Variants in E2F8 observed in about 807,000 individuals in gnomAD.
E2F8 encodes the protein E2F transcription factor 8, also known as transcription factor E2F8.
Under a neutral mutation model 80.8 loss-of-function variants are expected in E2F8, and 35 were observed. The observed-to-expected ratio is 0.43, with a 90% CI of 0.33 to 0.57. E2F8 has a LOEUF of 0.57. E2F8 is among the 20% of genes least tolerant of loss of function. E2F8 has a pLI of 0.04. For synonymous variants in E2F8, 386 were observed against 395.0 expected (o/e 0.98, Z 0.27); for missense variants, 975 against 1,056.2 (o/e 0.92, Z 1.07).
At chr11:19,227,488 A>G (rs1434870151) in intron 10 of E2F8, among the ~76,000 whole-genome samples, 1 of 152,214 alleles carries the variant, frequency 6.6e-6, no homozygotes, top group Non-Finnish European at 1.5e-5. Flanking sequence ...AACAAACTAT[A>G]TTCATTATAG....
intron 10 of E2F8, among the ~76,000 whole-genome samples, chr11:19,227,720 G>A (rs1462173662): frequency 6.6e-6 from 1 of 152,088 alleles, no homozygotes; most frequent in Non-Finnish European, 1.5e-5. Context: ...TAAATTCTCA[G>A]TAAAAATTTG....
intron 3 of E2F8, 70 bp from the exon 4 acceptor site, chr11:19,237,540 G>C: frequency 6.7e-7 from 1 of 1,491,822 alleles, no homozygotes. Flanking sequence ...GGGCATCTGT[G>C]CTCGATGACT....
chr11:19,224,588 A>G lies in E2F8; in HGVS notation c.*70T>C, dbSNP rs532180931. ...AGTATTTTCAGAGAATGTGTTCTCC[A>G]AATCAGTCTGTGTACATTTTCTCTA... On this transcript the variant is annotated 3_prime_UTR_variant, in exon 13 of 13. Coordinates refer to ENST00000250024, the MANE Select transcript of E2F8 (RefSeq NM_024680.4). 7.9e-6 allele frequency: 12 copies of G among 1,516,566 alleles called. No homozygotes were observed. In the South Asian group the frequency reaches 1.5e-4, roughly 19 times the overall value. 93.9% of individuals were successfully genotyped at this position (1,516,566 alleles called of 1,614,324 possible). A position where few individuals can be genotyped will look rare whatever the true frequency, so the allele number is the denominator to read the frequency against.
rs548341628 is a variant in E2F8, at chr11:19,232,960, T to C, written c.929-589A>G. 3.3e-5 allele frequency among the ~76,000 whole-genome samples: 5 copies of C among 152,288 alleles called. No homozygotes were observed. The East Asian group carries it at 9.7e-4, about 29-fold the overall frequency. On this transcript the variant is annotated intron_variant, in intron 6 of 12. Coordinates refer to ENST00000250024, the MANE Select transcript of E2F8 (RefSeq NM_024680.4). ...CTGTTTTTTACTGCCATCTTGATAG[T>C]ACAAATTACAAATCGAGTCTCCTTC...
chr11:19,234,437 A>C lies in E2F8; in HGVS notation c.851T>G (p.Ile284Arg), dbSNP rs529296056. ...CTTGGCAGCAACTTCTAGGCTTACT[A>C]TCTGAGGCGTTGACACCAAAAACAG... is the stretch of plus-strand genomic sequence containing the variant. ...VMLFLVSTPQIVSLEVAAKIL... is the reference protein window; with the variant it reads ...VMLFLVSTPQRVSLEVAAKIL... Residue 284 changes from isoleucine (I) to arginine (R), a missense_variant, in exon 6 of 13, where the codon ATA becomes AGA. By Grantham distance (97) the Ile-to-Arg change is moderately conservative. Transcript: ENST00000250024. 1.9e-6 allele frequency: 3 copies of C among 1,614,220 alleles called. No individual in the cohort carries two copies. Among genetic ancestry groups the C allele is most frequent in the African/African-American group, 1.3e-5 (1 of 75,070 alleles).
chr11:19,232,886 G>C (rs1851417822), intron 6 of E2F8, among the ~76,000 whole-genome samples: 1 of 152,148 alleles, frequency 6.6e-6, no homozygotes. Context: ...ACATAGATCT[G>C]TGAACTTGAC....
At chr11:19,230,066 T>C (rs1157401073) in intron 9 of E2F8, 78 bp from the exon 10 acceptor site, 2 of 1,574,968 alleles carry the variant, frequency 1.3e-6, no homozygotes, top group East Asian at 4.5e-5. Flanking sequence ...AGCCTCATAT[T>C]GAAGCCACGC....
chr11:19,235,445 G>C (rs1233002704), intron 4 of E2F8, among the ~76,000 whole-genome samples: 4 of 152,182 alleles, frequency 2.6e-5, no homozygotes, highest in Non-Finnish European at 5.9e-5. Context: ...TCAGGAGATG[G>C]AGACCATCCT....
At chr11:19,233,125 C>T (rs1345504743) in intron 6 of E2F8, among the ~76,000 whole-genome samples, 8 of 152,180 alleles carry the variant, frequency 5.3e-5, no homozygotes. Flanking sequence ...AGGCAAGTAA[C>T]CCCTCAGTAG....
intron 4 of E2F8, 145 bp from the exon 5 acceptor site, chr11:19,235,203 T>G (rs1851482559): frequency 1.3e-6 from 1 of 760,948 alleles, no homozygotes; most frequent in Non-Finnish European, 2.1e-6. Context: ...ACAAATACTG[T>G]GAAGGTGAGA....
At chr11:19,227,001 A>G (rs1851252870) in intron 10 of E2F8, among the ~76,000 whole-genome samples, 1 of 152,224 alleles carries the variant, frequency 6.6e-6, no homozygotes, top group African/African-American at 2.4e-5. Context: ...AGATCACTGT[A>G]CTTTCCCAAA....
In E2F8 at chr11:19,235,018, T is replaced by G. The variant is rs762267794; in HGVS notation, c.492A>C (p.Leu164=). The change falls in exon 5 of 13, where the codon CTA becomes CTC. Residue 164 remains leucine, a synonymous_variant. Coordinates refer to ENST00000250024, the MANE Select transcript of E2F8 (RefSeq NM_024680.4). ...RRRIYDIVNV[L]ESLHMVSRLA... is the part of the protein sequence containing the mutation. ...GGCGGCTCACCATATGTAAACTCTC[T>G]AGGACGTTCACGATATCGTAAATGC... is the stretch of plus-strand genomic sequence containing the variant. 6.2e-7 allele frequency: 1 copy of G among 1,613,082 alleles called. No homozygotes were observed. The highest frequency in any genetic ancestry group is 8.5e-7 in the Non-Finnish European group (1 of 1,179,444).
In E2F8 at chr11:19,230,932, A is replaced by G. The variant is rs1042515845; in HGVS notation, c.1067-98T>C. On this transcript the variant is annotated intron_variant, in intron 7 of 12. Coordinates refer to ENST00000250024, the MANE Select transcript of E2F8 (RefSeq NM_024680.4). ...TTTAGGAATAAAAGTGGCAAGTTACAGAGCACCGACCATGTGCCTGTCACT... is the reference window on the plus strand; with the variant it reads ...TTTAGGAATAAAAGTGGCAAGTTACGGAGCACCGACCATGTGCCTGTCACT... 2.8e-6 allele frequency: 3 copies of G among 1,089,808 alleles called. No homozygotes were observed. In the Admixed American group the frequency reaches 6.4e-5, roughly 23 times the overall value. 67.5% of individuals were successfully genotyped at this position (1,089,808 alleles called of 1,614,324 possible). A position where few individuals can be genotyped will look rare whatever the true frequency, so the allele number is the denominator to read the frequency against.
At chr11:19,230,141 C>G in intron 9 of E2F8, 100 bp downstream of exon 9, 1 of 1,479,774 alleles carries the variant, frequency 6.8e-7, no homozygotes, top group Non-Finnish European at 9.2e-7. Flanking sequence ...GATTAGCTCT[C>G]CAGTTCAAGG....
chr11:19,237,532 G>A lies in E2F8; in HGVS notation c.295-62C>T, dbSNP rs1220217784. The A allele has an allele frequency of 4.6e-6, 7 of 1,532,806 alleles. No homozygotes were observed. In the Admixed American group the frequency reaches 1.3e-4, roughly 29 times the overall value. 95.0% of individuals were successfully genotyped at this position (1,532,806 alleles called of 1,614,324 possible). A position where few individuals can be genotyped will look rare whatever the true frequency, so the allele number is the denominator to read the frequency against. ...ATAAAGTCTGACAGATTTATTAGGG[G>A]CATCTGTGCTCGATGACTGACACCA... is the stretch of plus-strand genomic sequence containing the variant. On this transcript the variant is annotated intron_variant, in intron 3 of 12. Transcript: ENST00000250024.
At chr11:19,232,414 AGAT>A (rs1565069712) in intron 6 of E2F8, 43 bp from the exon 7 acceptor site, 2 of 1,537,280 alleles carry the variant, frequency 1.3e-6, no homozygotes, top group Non-Finnish European at 1.8e-6. Context: ...AATAATGAAA[AGAT>A]CAAAGAATTT....
At chr11:19,233,815 A>G (rs949631874) in intron 6 of E2F8, among the ~76,000 whole-genome samples, 3 of 151,866 alleles carry the variant, frequency 2.0e-5, no homozygotes, top group Non-Finnish European at 4.4e-5. Context: ...CAATGTTACA[A>G]TATCAAATGA....
intron 7 of E2F8, 118 bp from the exon 8 acceptor site, chr11:19,230,952 G>T: frequency 1.2e-6 from 1 of 841,368 alleles, no homozygotes; most frequent in South Asian, 1.7e-5. Flanking sequence ...CCATGTGCCT[G>T]TCACTGTTCT....
intron 2 of E2F8, 67 bp downstream of exon 2, chr11:19,240,040 T>A: frequency 7.7e-7 from 1 of 1,305,424 alleles, no homozygotes; most frequent in Non-Finnish European, 1.0e-6. Flanking sequence ...AGGGAAAAAT[T>A]ATGGAGTTAA....
Sources: gnomAD v4.1 joint callset for allele counts (sites outside exome capture counted in the v4.1 genomes callset) on GRCh38, gnomAD v4.1.1 for gene constraint, MANE v1.5 for transcripts, NCBI Gene and HGNC (gene_info 2026-07-23, HGNC 2026-07-21) for gene names.